The following MAD1L1 variants were observed in gnomAD, a reference collection of about 807,000 sequenced individuals.
MAD1L1 encodes the protein mitotic spindle assembly checkpoint protein MAD1.
Under a neutral mutation model 96.9 loss-of-function variants are expected in MAD1L1, and 95 were observed. That is an observed-to-expected ratio of 0.98 (90% CI 0.83 to 1.16). The LOEUF (loss-of-function observed/expected upper bound fraction) is 1.16, where lower values mean the gene tolerates loss of function less well. Among genes scored for constraint, MAD1L1 ranks in the 50% most tolerant of loss-of-function variants. The pLI is 0.00. For missense variants in MAD1L1, 1,007 were observed against 954.4 expected, an observed-to-expected ratio of 1.06 and a Z score of -0.73; for synonymous variants, 473 against 396.6, an observed-to-expected ratio of 1.19 and a Z score of -2.29.
intron 12 of MAD1L1, among the ~76,000 whole-genome samples, chr7:2,061,361 A>T (rs1784652806): frequency 6.6e-6 from 1 of 152,014 alleles, no homozygotes; most frequent in South Asian, 2.1e-4. Context: ...AAATTAAAAT[A>T]AAATAAAATA....
At chr7:1,967,032 G>C (rs1214780982) in intron 15 of MAD1L1, among the ~76,000 whole-genome samples, 2 of 152,236 alleles carry the variant, frequency 1.3e-5, no homozygotes, top group Non-Finnish European at 2.9e-5. Flanking sequence ...TGGGCTTACA[G>C]ATAATACCCG....
At chr7:1,913,402 TGCATGA>T (rs1788145057) in intron 17 of MAD1L1, among the ~76,000 whole-genome samples, 1 of 151,890 alleles carries the variant, frequency 6.6e-6, no homozygotes, top group Admixed American at 6.5e-5. Flanking sequence ...AGACGGGCTC[TGCATGA>T]GGAGGAATCC....
chr7:1,863,523 C>T (rs73046358), intron 18 of MAD1L1, among the ~76,000 whole-genome samples: 2 of 152,330 alleles, frequency 1.3e-5, no homozygotes, highest in East Asian at 1.9e-4. Flanking sequence ...GCTGAAGGCC[C>T]GGGAGCCAGT....
intron 18 of MAD1L1, among the ~76,000 whole-genome samples, chr7:1,873,441 G>A (rs1161048426): frequency 6.6e-6 from 1 of 152,092 alleles, no homozygotes; most frequent in African/African-American, 2.4e-5. Context: ...GAGGATGCGA[G>A]GGGCGGTGGG....
In MAD1L1 at chr7:2,213,186, C is replaced by G. The variant is rs753507606; in HGVS notation, c.986+26G>C. On this transcript the variant is annotated intron_variant, in intron 10 of 18. Transcript: ENST00000265854. Reference sequence around the variant, plus strand: ...CCAGGACCCTTCAAAGAAGGCGGGACCCCGGAGACACCTGCCCTTCCCTAC... The same window carrying G: ...CCAGGACCCTTCAAAGAAGGCGGGAGCCCGGAGACACCTGCCCTTCCCTAC... The G allele has an allele frequency of 1.9e-6, 3 of 1,613,452 alleles. No homozygotes were observed. In the South Asian group the frequency reaches 3.3e-5, roughly 18 times the overall value.
chr7:2,080,736 C>T lies in MAD1L1; in HGVS notation c.1074-11398G>A, dbSNP rs138081473. On this transcript the variant is annotated intron_variant, in intron 11 of 18. Transcript: ENST00000265854. ...CAGGGCCGTGCATTCAGATGAGGTG[C>T]GGAGCCAGATTTTCCCAATGAAGAT... is the stretch of plus-strand genomic sequence containing the variant. Among the ~76,000 whole-genome samples the T allele has an allele frequency of 7.0e-3, 1,068 of 152,296 alleles. 14 individuals carry two copies. Among genetic ancestry groups the T allele is most frequent in the African/African-American group, 0.024 (1,017 of 41,558 alleles).
chr7:2,117,447 G>A (rs1272490994), intron 11 of MAD1L1, among the ~76,000 whole-genome samples: 1 of 152,230 alleles, frequency 6.6e-6, no homozygotes, highest in Non-Finnish European at 1.5e-5. Context: ...TGGTCTGACT[G>A]TGTCCCCACC....
chr7:1,940,431 G>A (rs1356030647), intron 16 of MAD1L1: 1 of 152,270 alleles, frequency 6.6e-6, no homozygotes, highest in Non-Finnish European at 1.5e-5. Flanking sequence ...AGATAACCCA[G>A]TATGCAGAAT....
At chr7:1,896,085 G>C (rs1583690543) in intron 18 of MAD1L1, among the ~76,000 whole-genome samples, 1 of 152,246 alleles carries the variant, frequency 6.6e-6, no homozygotes, top group Admixed American at 6.5e-5. Context: ...CCTGGGGCGA[G>C]CAGGGCTGGG....
At chr7:2,148,029 C>G (rs1789394135) in intron 11 of MAD1L1, among the ~76,000 whole-genome samples, 1 of 152,216 alleles carries the variant, frequency 6.6e-6, no homozygotes, top group Non-Finnish European at 1.5e-5. Flanking sequence ...AACTTCAAAT[C>G]ACTTTTAATG....
intron 11 of MAD1L1, among the ~76,000 whole-genome samples, chr7:2,117,846 C>CTG (rs1787788588): frequency 6.6e-6 from 1 of 152,110 alleles, no homozygotes; most frequent in Admixed American, 6.6e-5. Context: ...CAGGAAGCAC[C>CTG]CAACCATGAA....
At chr7:2,033,744 G>A (rs960813677) in intron 12 of MAD1L1, among the ~76,000 whole-genome samples, 3 of 152,236 alleles carry the variant, frequency 2.0e-5, no homozygotes, top group Admixed American at 6.5e-5. Flanking sequence ...GGCGCTTCTG[G>A]AAAACGAGTC....
intron 11 of MAD1L1, among the ~76,000 whole-genome samples, chr7:2,108,212 G>GC (rs1384221185): frequency 6.6e-6 from 1 of 152,078 alleles, no homozygotes; most frequent in Non-Finnish European, 1.5e-5. Context: ...CACTATTCAG[G>GC]CCCCACCTCA....
intron 18 of MAD1L1, among the ~76,000 whole-genome samples, chr7:1,856,792 G>A (rs1433381705): frequency 6.6e-6 from 1 of 152,158 alleles, no homozygotes. Flanking sequence ...ACCCAACCCT[G>A]GAACGTGGTC....
At chr7:2,229,238 C>G (rs1305873076) in intron 3 of MAD1L1, among the ~76,000 whole-genome samples, 1 of 152,032 alleles carries the variant, frequency 6.6e-6, no homozygotes, top group Non-Finnish European at 1.5e-5. Flanking sequence ...GGCAGAGGAG[C>G]CTAGAGGAGC....
chr7:2,184,310 A>T (rs1018416634), intron 10 of MAD1L1, among the ~76,000 whole-genome samples: 2 of 152,152 alleles, frequency 1.3e-5, no homozygotes, highest in Non-Finnish European at 2.9e-5. Context: ...CTGACTAGGG[A>T]ACTGGTCATT....
At chr7:1,908,684 C>G (rs1663536091) in intron 17 of MAD1L1, among the ~76,000 whole-genome samples, 1 of 152,202 alleles carries the variant, frequency 6.6e-6, no homozygotes, top group Admixed American at 6.5e-5. Context: ...GAAGGCATCG[C>G]CCTCAGGTCT....
At position 2,004,864 on chromosome 7, in the gene MAD1L1, C is replaced by T. The variant is rs188390265; in HGVS notation, c.1360-2743G>A. On this transcript the variant is annotated intron_variant, in intron 13 of 18. Transcript: ENST00000265854. ...CCATCGATGGCTGGAAAAAACAGAA[C>T]GCATGCATCTGAAATCCTCACATGA... is the stretch of plus-strand genomic sequence containing the variant. Among the ~76,000 whole-genome samples, 510 of 152,358 alleles carry T rather than the reference C, an allele frequency of 3.3e-3. 10 individuals are homozygous for T. Among genetic ancestry groups the T allele is most frequent in the Admixed American group, 0.03 (465 of 15,308 alleles).
At chr7:2,223,795 C>G (rs565793353) in intron 4 of MAD1L1, among the ~76,000 whole-genome samples, 1 of 152,188 alleles carries the variant, frequency 6.6e-6, no homozygotes, top group East Asian at 1.9e-4. Context: ...CCAGTCCCAG[C>G]GCAGACAGGG....
Sources: gnomAD v4.1 joint callset for allele counts (sites outside exome capture counted in the v4.1 genomes callset) on GRCh38, gnomAD v4.1.1 for gene constraint, MANE v1.5 for transcripts, NCBI Gene and HGNC (gene_info 2026-07-23, HGNC 2026-07-21) for gene names.